FBXO43: variants seen among roughly 807,000 people sequenced by gnomAD.
FBXO43 encodes the protein F-box only protein 43.
A neutral mutation model predicts 56.7 loss-of-function variants in FBXO43; 22 were observed. That is an observed-to-expected ratio of 0.39 (90% confidence interval 0.28 to 0.55). The LOEUF is 0.55. FBXO43 is among the 20% of genes least tolerant of loss of function. The pLI, the probability that FBXO43 is intolerant of heterozygous loss-of-function variation, is 0.66. For synonymous variants in FBXO43, 306 were observed against 294.5 expected (o/e 1.04, Z -0.40); for missense variants, 733 against 814.9 (o/e 0.90, Z 1.22).
upstream of FBXO43, among the ~76,000 whole-genome samples, chr8:100,149,975 G>C (rs966544921): frequency 1.3e-5 from 2 of 152,152 alleles, no homozygotes; most frequent in South Asian, 4.1e-4. Context: ...ACTGAGCAGG[G>C]CGTTTTGTTC....
chr8:100,138,127 A>C (rs11775440), intron 2 of FBXO43, among the ~76,000 whole-genome samples: 27,984 of 152,184 alleles, frequency 0.18, 2,739 homozygotes, highest in South Asian at 0.24. Flanking sequence ...AGTGCCAACT[A>C]TAAATACTAT....
intron 1 of FBXO43, among the ~76,000 whole-genome samples, chr8:100,144,633 A>G (rs2132145377): frequency 6.6e-6 from 1 of 151,366 alleles, no homozygotes; most frequent in Admixed American, 6.6e-5. Context: ...TTTAAGAAAA[A>G]AAAAAAAAAA....
intron 2 of FBXO43, among the ~76,000 whole-genome samples, chr8:100,140,274 T>C (rs1356103371): frequency 6.6e-6 from 1 of 152,080 alleles, no homozygotes; most frequent in African/African-American, 2.4e-5. Context: ...ATCAAGACCA[T>C]CCTGGCTAAC....
At chr8:100,143,495 G>A (rs1421874980) in intron 1 of FBXO43, among the ~76,000 whole-genome samples, 2 of 152,104 alleles carry the variant, frequency 1.3e-5, no homozygotes, top group Non-Finnish European at 2.9e-5. Flanking sequence ...ATCTATACTC[G>A]TTTTTGATAA....
At position 100,140,766 on chromosome 8, in the gene FBXO43, G is replaced by A; in HGVS notation, c.1488C>T (p.Asp496=). The change falls in exon 2 of 5, where the codon GAC becomes GAT. Residue 496 remains aspartate (D), a synonymous_variant. Transcript: ENST00000428847. ...IGKKMGIEKL[D]ILTELKYRNL... is the part of the protein sequence containing the mutation. Reference sequence around the variant, plus strand: ...TTCTATATTTTAATTCTGTTAAGATGTCCAGTTTTTCTATACCCATTTTCT... The same window carrying A: ...TTCTATATTTTAATTCTGTTAAGATATCCAGTTTTTCTATACCCATTTTCT... 1 of 1,613,678 alleles carries A rather than the reference G, an allele frequency of 6.2e-7. No individual in the cohort carries two copies. Among genetic ancestry groups the A allele is most frequent in the Non-Finnish European group, 8.5e-7 (1 of 1,179,640 alleles).
At chr8:100,146,431 CA>C (rs770751175), upstream of FBXO43, among the ~76,000 whole-genome samples, 1 of 151,322 alleles carries the variant, frequency 6.6e-6, no homozygotes, top group Non-Finnish European at 1.5e-5. Flanking sequence ...ACCCCCATCT[CA>C]AAAAAAAGAT....
rs1814613143 is a variant in FBXO43 at position 100,140,754 on chromosome 8, TTC to T, written c.1498_1499del (p.Glu500IlefsTer4). 1.2e-6 allele frequency: 2 copies of T among 1,613,578 alleles called. No homozygotes were observed. Among genetic ancestry groups the T allele is most frequent in the South Asian group, 1.1e-5 (1 of 90,976 alleles). The part of the protein sequence containing the change: ...MGIEKLDILT[E>X]LKYRNLKHIL... ...TATGCTTTAAATTTCTATATTTTAA[TTC>T]TGTTAAGATGTCCAGTTTTTCTATA... On this transcript the variant is annotated frameshift_variant, in exon 2 of 5. Transcript: ENST00000428847. LOFTEE classifies it high-confidence loss of function.
intron 3 of FBXO43, among the ~76,000 whole-genome samples, chr8:100,135,756 C>T (rs1363923706): frequency 6.6e-6 from 1 of 151,994 alleles, no homozygotes; most frequent in Non-Finnish European, 1.5e-5. Flanking sequence ...AAGCCTGCAC[C>T]ACCACACCCA....
chr8:100,147,725 AT>A (rs1357774874), upstream of FBXO43, among the ~76,000 whole-genome samples: 1 of 152,202 alleles, frequency 6.6e-6, no homozygotes, highest in East Asian at 1.9e-4. Context: ...AAGATGTGAC[AT>A]GTTCAGTTGG....
upstream of FBXO43, among the ~76,000 whole-genome samples, chr8:100,147,400 G>A (rs1814854843): frequency 6.6e-6 from 1 of 152,218 alleles, no homozygotes. Flanking sequence ...AACTTAAAAT[G>A]TATAAGGGCA....
At position 100,134,306 on chromosome 8, in the gene FBXO43, G is replaced by A. The variant is rs1814400706; in HGVS notation, c.1733C>T (p.Ala578Val). ...ATRLQLLNRSALRSVQAQARI... is the reference protein window; with the variant it reads ...ATRLQLLNRSVLRSVQAQARI... ...AGCCTGTGCCTGCACAGATCTTAAAGCTGAGCGATTTAAAAGCTGGAGCCG... is the reference window on the plus strand; with the variant it reads ...AGCCTGTGCCTGCACAGATCTTAAAACTGAGCGATTTAAAAGCTGGAGCCG... The change falls in exon 4 of 5, where the codon GCT becomes GTT. Residue 578 changes from alanine (A) to valine (V), a missense_variant. Coordinates refer to ENST00000428847, the MANE Select transcript of FBXO43 (RefSeq NM_001029860.4). 1.9e-6 allele frequency: 3 copies of A among 1,613,898 alleles called. No homozygotes were observed. Among genetic ancestry groups the A allele is most frequent in the Non-Finnish European group, 2.5e-6 (3 of 1,180,024 alleles).
chr8:100,144,748 G>A lies in FBXO43; in HGVS notation c.85+303C>T, dbSNP rs1228445581. On this transcript the variant is annotated intron_variant, in intron 1 of 4. Coordinates refer to ENST00000428847, the MANE Select transcript of FBXO43 (RefSeq NM_001029860.4). Reference sequence around the variant, plus strand: ...AGAGCGAGACCAACCTGGCTAACACGGTGAAACCCCGTCTCCACTAAAAAT... The same window carrying A: ...AGAGCGAGACCAACCTGGCTAACACAGTGAAACCCCGTCTCCACTAAAAAT... Among the ~76,000 whole-genome samples, 8 of 151,816 alleles carry A rather than the reference G, an allele frequency of 5.3e-5. No homozygotes were observed. The East Asian group carries it at 1.2e-3, about 22-fold the overall frequency.
chr8:100,140,666 C>A lies in FBXO43; in HGVS notation c.1571+17G>T. ...AAAAAAAGAAGTTTTATTTCATAAA[C>A]AACTCTTACTTCTTACCTGCATAGG... On this transcript the variant is annotated intron_variant, in intron 2 of 4. Transcript: ENST00000428847. The A allele has an allele frequency of 6.5e-7, 1 of 1,529,646 alleles. No individual in the cohort carries two copies. The highest frequency in any genetic ancestry group is 2.3e-5 in the East Asian group (1 of 43,730). The allele number at this position is 1,529,646 out of a possible 1,614,324, so 94.8% of individuals were successfully genotyped here.
Position 100,140,745 on chromosome 8 carries a change from A to G in FBXO43, c.1509T>C (p.Tyr503=), listed in dbSNP as rs757678766. The part of the protein sequence containing the change: ...EKLDILTELK[Y]RNLKHILAMV... ...TAGCAAGAATATGCTTTAAATTTCT[A>G]TATTTTAATTCTGTTAAGATGTCCA... Residue 503 remains tyrosine, a synonymous_variant, in exon 2 of 5, where the codon TAT becomes TAC. Coordinates refer to ENST00000428847, the MANE Select transcript of FBXO43 (RefSeq NM_001029860.4). 5 of 1,613,218 alleles carry G rather than the reference A, an allele frequency of 3.1e-6. No individual in the cohort carries two copies. Among genetic ancestry groups the G allele is most frequent in the South Asian group, 2.2e-5 (2 of 90,888 alleles).
Position 100,141,650 on chromosome 8 carries a change from T to C in FBXO43, c.604A>G (p.Asn202Asp). 6.2e-7 allele frequency: 1 copy of C among 1,613,188 alleles called. No homozygotes were observed. Among genetic ancestry groups the C allele is most frequent in the Admixed American group, 1.7e-5 (1 of 60,012 alleles). ...SSASGFSRAN[N>D]FSPLVTSTLK... ...GTGCTAGTAACTAAAGGGCTAAAAT[T>C]ATTTGCCCTGGAAAAACCTGAAGCA... The change falls in exon 2 of 5, where the codon AAT becomes GAT. Residue 202 changes from asparagine (N) to aspartate (D), a missense_variant. By Grantham distance (23) the Asn-to-Asp change is conservative. Coordinates refer to ENST00000428847, the MANE Select transcript of FBXO43 (RefSeq NM_001029860.4).
intron 2 of FBXO43, 129 bp downstream of exon 2, chr8:100,140,554 C>T (rs1282725670): frequency 1.4e-6 from 1 of 723,918 alleles, no homozygotes; most frequent in Non-Finnish European, 2.3e-6. Flanking sequence ...TTCACTTAAA[C>T]TATCTTTGAT....
intron 1 of FBXO43, among the ~76,000 whole-genome samples, chr8:100,143,219 G>A (rs1366021723): frequency 1.3e-5 from 2 of 152,126 alleles, no homozygotes; most frequent in Non-Finnish European, 2.9e-5. Context: ...TGATTCAAAG[G>A]ACATGAAGAA....
Position 100,141,321 on chromosome 8 carries a change from T to A in FBXO43, c.933A>T (p.Arg311Ser), listed in dbSNP as rs780802492. ...TPISNLVANIRFNASQILSPS... is the reference protein window; with the variant it reads ...TPISNLVANISFNASQILSPS... The stretch of plus-strand genomic sequence containing the variant: ...GAGAAAGTATTTGACTTGCGTTAAA[T>A]CTAATGTTTGCCACAAGATTACTTA... The change falls in exon 2 of 5, where the codon AGA becomes AGT. Residue 311 changes from arginine to serine, a missense_variant. Transcript: ENST00000428847. 1.9e-6 allele frequency: 3 copies of A among 1,613,962 alleles called. No individual in the cohort carries two copies. The South Asian group carries it at 3.3e-5, about 18-fold the overall frequency.
chr8:100,149,814 ATTAAG>A (rs770005202), upstream of FBXO43, among the ~76,000 whole-genome samples: 54 of 152,320 alleles, frequency 3.5e-4, no homozygotes, highest in Admixed American at 2.7e-3. Flanking sequence ...GTTATTAACA[ATTAAG>A]TTATTTTTAA....
Sources: gnomAD v4.1 joint callset for allele counts (sites outside exome capture counted in the v4.1 genomes callset) on GRCh38, gnomAD v4.1.1 for gene constraint, MANE v1.5 for transcripts, NCBI Gene and HGNC (gene_info 2026-07-23, HGNC 2026-07-21) for gene names.